Variants in ZFP90 observed in about 807,000 individuals in gnomAD.
The protein encoded by ZFP90 is ZFP90 zinc finger protein, also known as zinc finger protein 90 homolog.
ZFP90 carries 38 observed loss-of-function variants against 60.8 expected under a neutral mutation model. The observed-to-expected ratio is 0.62, with a 90% CI of 0.48 to 0.82. The LOEUF (loss-of-function observed/expected upper bound fraction) is 0.82, where lower values mean the gene tolerates loss of function less well. Among genes scored for constraint, ZFP90 ranks in the 40% least tolerant of loss-of-function variants. ZFP90 has a pLI of 0.00. For synonymous variants in ZFP90, 287 were observed against 264.8 expected (o/e 1.08, Z -0.82); for missense variants, 711 against 759.1 (o/e 0.94, Z 0.74).
At chr16:68,561,442 C>T (rs1197176717) in intron 4 of ZFP90, among the ~76,000 whole-genome samples, 1 of 152,158 alleles carries the variant, frequency 6.6e-6, no homozygotes, top group Non-Finnish European at 1.5e-5. Context: ...AGTTCAAAAT[C>T]TATCTAATCC....
intron 2 of ZFP90, among the ~76,000 whole-genome samples, chr16:68,548,861 G>A (rs1449562137): frequency 6.6e-6 from 1 of 151,976 alleles, no homozygotes; most frequent in African/African-American, 2.4e-5. Flanking sequence ...TTTTCTATTT[G>A]GCTGGTGCTT....
chr16:68,547,959 C>T (rs1055102104), intron 2 of ZFP90, among the ~76,000 whole-genome samples: 1 of 151,818 alleles, frequency 6.6e-6, no homozygotes, highest in Non-Finnish European at 1.5e-5. Context: ...TTCCAAGTAG[C>T]TGGGATTACA....
chr16:68,546,153 C>T (rs889612145), intron 2 of ZFP90, among the ~76,000 whole-genome samples: 1 of 151,966 alleles, frequency 6.6e-6, no homozygotes. Flanking sequence ...CCAGCCTGGG[C>T]GACACAGCAA....
upstream of ZFP90, chr16:68,539,189 C>T (rs1380359481): frequency 6.6e-6 from 1 of 152,360 alleles, no homozygotes; most frequent in African/African-American, 2.4e-5. Flanking sequence ...CCTTCGGAAG[C>T]CGCCTAGGCG....
chr16:68,565,012 A>C lies in ZFP90; in HGVS notation c.*314A>C. ...TTCAACATCTTGACTTGTGACCCCC[A>C]ATGTCAACAGCTTTTTTAAAAAGCA... On this transcript the variant is annotated 3_prime_UTR_variant, in exon 5 of 5. Coordinates refer to ENST00000563169, the MANE Select transcript of ZFP90 (RefSeq NM_001305203.2). 9.5e-7 allele frequency: 1 copy of C among 1,055,514 alleles called. No homozygotes were observed. Among genetic ancestry groups the C allele is most frequent in the Non-Finnish European group, 1.1e-6 (1 of 876,064 alleles). 65.4% of individuals were successfully genotyped at this position (1,055,514 alleles called of 1,614,324 possible).
chr16:68,539,572 G>C (rs886851144), intron 1 of ZFP90, 93 bp downstream of exon 1: 242 of 541,702 alleles, frequency 4.5e-4, no homozygotes, highest in Non-Finnish European at 6.5e-4. Flanking sequence ...CGTGGCCGGA[G>C]GGGGGTGTCC....
intron 2 of ZFP90, among the ~76,000 whole-genome samples, chr16:68,553,026 C>T (rs1015920082): frequency 5.9e-5 from 9 of 152,026 alleles, no homozygotes; most frequent in African/African-American, 7.2e-5. Flanking sequence ...CACTCCAGCC[C>T]GGGCAACAGA....
chr16:68,571,146 C>T (rs1260978184), downstream of ZFP90, among the ~76,000 whole-genome samples: 3 of 152,156 alleles, frequency 2.0e-5, no homozygotes, highest in Admixed American at 6.5e-5. Flanking sequence ...TGAGGGAATG[C>T]TCCGGGTATC....
At chr16:68,561,623 T>C (rs1464321026) in intron 4 of ZFP90, among the ~76,000 whole-genome samples, 1 of 152,216 alleles carries the variant, frequency 6.6e-6, no homozygotes, top group Non-Finnish European at 1.5e-5. Context: ...TTTATTATGG[T>C]ATTTTAATAT....
intron 2 of ZFP90, among the ~76,000 whole-genome samples, chr16:68,545,149 G>A (rs1237664037): frequency 6.6e-6 from 1 of 151,822 alleles, no homozygotes; most frequent in Non-Finnish European, 1.5e-5. Context: ...AAAGTGCTGG[G>A]ATTACAGGCA....
At chr16:68,543,392 A>G (rs1014351760) in intron 2 of ZFP90, among the ~76,000 whole-genome samples, 2 of 152,148 alleles carry the variant, frequency 1.3e-5, no homozygotes, top group African/African-American at 4.8e-5. Flanking sequence ...TTTCCCCTGA[A>G]CATAGTTAAC....
intron 2 of ZFP90, among the ~76,000 whole-genome samples, chr16:68,547,254 C>T (rs1400885296): frequency 6.6e-6 from 1 of 152,162 alleles, no homozygotes; most frequent in Non-Finnish European, 1.5e-5. Flanking sequence ...TTATCCACAT[C>T]CCCCCAACCC....
chr16:68,551,392 A>G (rs528258541), intron 2 of ZFP90, among the ~76,000 whole-genome samples: 4 of 150,926 alleles, frequency 2.7e-5, no homozygotes, highest in Non-Finnish European at 5.9e-5. Context: ...GTATGTCAGC[A>G]TAAGGAAAGG....
intron 2 of ZFP90, among the ~76,000 whole-genome samples, chr16:68,545,078 G>A (rs1194673549): frequency 4.0e-5 from 6 of 151,424 alleles, no homozygotes; most frequent in Admixed American, 2.0e-4. Context: ...ATGGGGTTTC[G>A]TCATGTTATC....
At chr16:68,537,229 G>A (rs544647219), upstream of ZFP90, among the ~76,000 whole-genome samples, 6 of 152,074 alleles carry the variant, frequency 3.9e-5, no homozygotes, top group Admixed American at 6.5e-5. Flanking sequence ...AGGTTCAAGC[G>A]ATTCCCCTGC....
chr16:68,547,806 C>T (rs2152061291), intron 2 of ZFP90, among the ~76,000 whole-genome samples: 1 of 149,602 alleles, frequency 6.7e-6, no homozygotes. Flanking sequence ...GGTTGTAATA[C>T]ATAAGTTTTT....
At chr16:68,558,211 A>G in intron 3 of ZFP90, 87 bp downstream of exon 3, 1 of 1,573,002 alleles carries the variant, frequency 6.4e-7, no homozygotes, top group South Asian at 1.2e-5. Flanking sequence ...AGCTTAGGTA[A>G]CTGTGACCAG....
rs747572909 is a variant in ZFP90, at chr16:68,563,158, G to A, written c.371G>A (p.Ser124Asn). 58 of 1,614,012 alleles carry A rather than the reference G, an allele frequency of 3.6e-5. No individual in the cohort carries two copies. Among genetic ancestry groups the A allele is most frequent in the Middle Eastern group, 3.3e-4 (2 of 6,082 alleles). The change falls in exon 5 of 5, where the codon AGC becomes AAC. Residue 124 changes from serine to asparagine, a missense_variant. This residue lies in a region of ZFP90 where 241 missense variants were observed against 247.6 expected (regional missense o/e 0.97). Transcript: ENST00000563169. ...HATLEDSWDV[S>N]SQLDRQQENW... ...ACATTAGAAGACTCCTGGGATGTTA[G>A]CAGCCAGTTAGACAGGCAACAGGAA...
upstream of ZFP90, among the ~76,000 whole-genome samples, chr16:68,537,185 G>T (rs1380924004): frequency 6.6e-6 from 1 of 151,762 alleles, no homozygotes; most frequent in Admixed American, 6.6e-5. Context: ...GAGTGCAGTG[G>T]TGCAATCTTG....
Sources: gnomAD v4.1 joint callset for allele counts (sites outside exome capture counted in the v4.1 genomes callset) on GRCh38, gnomAD v4.1.1 for gene constraint, gnomAD v4.1.1 regional missense constraint, MANE v1.5 for transcripts, NCBI Gene and HGNC (gene_info 2026-07-23, HGNC 2026-07-21) for gene names.